FLT1: variants seen among roughly 807,000 people sequenced by gnomAD.
The protein encoded by FLT1 is fms related receptor tyrosine kinase 1, also known as vascular endothelial growth factor receptor 1.
FLT1 carries 49 observed loss-of-function variants against 156.3 expected under a neutral mutation model. That is an observed-to-expected ratio of 0.31 (90% CI 0.25 to 0.40). FLT1 has a LOEUF of 0.40. Ranked by LOEUF, FLT1 falls within the 10% of genes least tolerant of loss-of-function variation. FLT1 has a pLI of 1.00. For missense variants in FLT1, 1,322 were observed against 1,637.2 expected, an observed-to-expected ratio of 0.81 and a Z score of 3.32; for synonymous variants, 594 against 583.8, an observed-to-expected ratio of 1.02 and a Z score of -0.25.
chr13:28,311,819 T>C (rs1593669733), intron 26 of FLT1, 87 bp from the exon 27 acceptor site: 3 of 1,446,954 alleles, frequency 2.1e-6, no homozygotes, highest in South Asian at 2.3e-5. Context: ...GACTATGTCA[T>C]TTGCACAATC....
chr13:28,311,538 CT>C (rs1183601879), intron 27 of FLT1, 51 bp downstream of exon 27: 81 of 1,431,960 alleles, frequency 5.7e-5, no homozygotes, highest in Non-Finnish European at 6.3e-5. Context: ...TTCTTTCCTT[CT>C]TTTTTTTGTT....
Position 28,488,135 on chromosome 13 carries a change from C to T in FLT1, c.64+6645G>A, listed in dbSNP as rs912005293. ...AAATGGGACCAGGCGCGGTGGCTTACGCCTGTAATCTCAGCACTTTGGGAG... is the reference window on the plus strand; with the variant it reads ...AAATGGGACCAGGCGCGGTGGCTTATGCCTGTAATCTCAGCACTTTGGGAG... On this transcript the variant is annotated intron_variant, in intron 1 of 29. Coordinates refer to ENST00000282397, the MANE Select transcript of FLT1 (RefSeq NM_002019.4). 2.0e-5 allele frequency among the ~76,000 whole-genome samples: 3 copies of T among 152,150 alleles called. 1 individual carries two copies. In the Middle Eastern group the frequency reaches 0.01, roughly 518 times the overall value.
chr13:28,423,683 T>C (rs1431109339), intron 10 of FLT1, among the ~76,000 whole-genome samples: 1 of 152,200 alleles, frequency 6.6e-6, no homozygotes, highest in African/African-American at 2.4e-5. Flanking sequence ...CTCTATGAAG[T>C]GTATATCATT....
At chr13:28,384,788 G>GC (rs1874253072) in intron 14 of FLT1, 97 bp downstream of exon 14, 1 of 1,152,100 alleles carries the variant, frequency 8.7e-7, no homozygotes, top group African/African-American at 1.5e-5. Context: ...CAGCAAGTAG[G>GC]TCTATACATA....
intron 1 of FLT1, among the ~76,000 whole-genome samples, chr13:28,487,954 G>T (rs1166024644): frequency 2.0e-5 from 3 of 151,636 alleles, no homozygotes; most frequent in East Asian, 3.9e-4. Flanking sequence ...CCAAGTACAA[G>T]ATTTTGTAAA....
chr13:28,411,886 T>C (rs962319445), intron 10 of FLT1, among the ~76,000 whole-genome samples: 1 of 152,156 alleles, frequency 6.6e-6, no homozygotes, highest in Non-Finnish European at 1.5e-5. Flanking sequence ...AGACAGATAA[T>C]AATCTCCTTC....
chr13:28,424,761 A>G (rs1877244042), intron 10 of FLT1, among the ~76,000 whole-genome samples: 1 of 152,212 alleles, frequency 6.6e-6, no homozygotes, highest in African/African-American at 2.4e-5. Flanking sequence ...ATGTGCATAT[A>G]TTAGTCACCC....
At chr13:28,470,317 C>T (rs1022020763) in intron 1 of FLT1, among the ~76,000 whole-genome samples, 2 of 152,216 alleles carry the variant, frequency 1.3e-5, no homozygotes, top group Non-Finnish European at 2.9e-5. Flanking sequence ...CCACAGCCAG[C>T]AATGGATAAC....
chr13:28,485,432 T>C (rs887838833), intron 1 of FLT1, among the ~76,000 whole-genome samples: 1 of 152,200 alleles, frequency 6.6e-6, no homozygotes, highest in Non-Finnish European at 1.5e-5. Flanking sequence ...AAAGCTCTTC[T>C]CTGGGGCCTG....
chr13:28,348,001 C>CGCAGATTA (rs1872620736), intron 15 of FLT1, among the ~76,000 whole-genome samples: 1 of 152,186 alleles, frequency 6.6e-6, no homozygotes, highest in Admixed American at 6.5e-5. Context: ...CCTTTACAAG[C>CGCAGATTA]GCAGATTAAT....
Position 28,397,038 on chromosome 13 carries a change from T to C in FLT1, c.1582A>G (p.Arg528Gly), listed in dbSNP as rs201823282. 6 of 1,613,610 alleles carry C rather than the reference T, an allele frequency of 3.7e-6. No individual in the cohort carries two copies. The highest frequency in any genetic ancestry group is 4.2e-6 in the Non-Finnish European group (5 of 1,179,660). ...MASTLVVADS[R>G]ISGIYICIAS... ...ATGCAAATGTAGATTCCAGAAATTC[T>C]AGAGTCAGCCACAACCAAGGTGCTA... Residue 528 changes from arginine to glycine, a missense_variant, in exon 12 of 30, where the codon AGA (arginine) becomes GGA (glycine). Arg to Gly is a moderately radical substitution (Grantham distance 125). Coordinates refer to ENST00000282397, the MANE Select transcript of FLT1 (RefSeq NM_002019.4).
intron 6 of FLT1, 96 bp downstream of exon 6, chr13:28,433,723 C>T: frequency 8.5e-7 from 1 of 1,176,678 alleles, no homozygotes; most frequent in Non-Finnish European, 1.3e-6. Context: ...CCACAGGAGT[C>T]AGGATTTTCT....
At chr13:28,375,496 A>G (rs73453248) in intron 14 of FLT1, among the ~76,000 whole-genome samples, 2,067 of 152,188 alleles carry the variant, frequency 0.014, 56 homozygotes, top group African/African-American at 0.046. Context: ...TAGTTTTCGC[A>G]TGCTGTTACC....
intron 14 of FLT1, among the ~76,000 whole-genome samples, chr13:28,373,409 G>A (rs1278548280): frequency 6.6e-6 from 1 of 152,136 alleles, no homozygotes; most frequent in Non-Finnish European, 1.5e-5. Context: ...TAGAGTCGTG[G>A]ACTGAGTTCA....
At chr13:28,470,343 CT>C (rs140187701) in intron 1 of FLT1, among the ~76,000 whole-genome samples, 2 of 152,354 alleles carry the variant, frequency 1.3e-5, no homozygotes, top group Non-Finnish European at 2.9e-5. Context: ...CCCTGAGAAA[CT>C]TCCATGCCAG....
intron 14 of FLT1, among the ~76,000 whole-genome samples, chr13:28,371,081 G>T (rs1436636201): frequency 2.0e-5 from 3 of 152,114 alleles, no homozygotes; most frequent in African/African-American, 7.2e-5. Context: ...GACATAGAAA[G>T]ACCTCCAAGA....
chr13:28,364,872 G>A (rs374337877), intron 14 of FLT1, among the ~76,000 whole-genome samples: 42 of 152,088 alleles, frequency 2.8e-4, no homozygotes, highest in African/African-American at 8.9e-4. Context: ...CTTGATATCT[G>A]GTATGGCCTC....
chr13:28,384,464 AAAAAG>A (rs1874233358), intron 14 of FLT1, among the ~76,000 whole-genome samples: 2 of 151,830 alleles, frequency 1.3e-5, no homozygotes, highest in Admixed American at 6.6e-5. Context: ...AAAAAAAAAA[AAAAAG>A]AAAGAAAGAA....
rs1871027321 is a variant in FLT1 at position 28,311,984 on chromosome 13, T to C, written c.3492+9A>G. The C allele has an allele frequency of 6.3e-7, 1 of 1,574,954 alleles. No homozygotes were observed. Among genetic ancestry groups the C allele is most frequent in the Non-Finnish European group, 8.7e-7 (1 of 1,145,908 alleles). ...AAAGGCATTTTGATGTAAATAAATT[T>C]AGTTTTACCTGTTGTACATTTGCTT... On this transcript the variant is annotated intron_variant, in intron 26 of 29. Coordinates refer to ENST00000282397, the MANE Select transcript of FLT1 (RefSeq NM_002019.4).
Sources: gnomAD v4.1 joint callset for allele counts (sites outside exome capture counted in the v4.1 genomes callset) on GRCh38, gnomAD v4.1.1 for gene constraint, MANE v1.5 for transcripts, NCBI Gene and HGNC (gene_info 2026-07-23, HGNC 2026-07-21) for gene names.